LRRIQ1: variants seen among roughly 807,000 people sequenced by gnomAD.
LRRIQ1 encodes leucine rich repeats and IQ motif containing 1.
Under a neutral mutation model 211.9 loss-of-function variants are expected in LRRIQ1, and 210 were observed. The ratio of observed to expected loss-of-function variants is 0.99; its 90% confidence interval spans 0.89 to 1.11. The LOEUF is 1.11. Ranked by LOEUF, LRRIQ1 falls within the 50% of genes most tolerant of loss-of-function variation. The probability of loss-of-function intolerance (pLI) is 0.00; values close to 1 mark genes in which losing one functional copy is unlikely to be tolerated. For missense variants in LRRIQ1, 2,136 were observed against 1,939.5 expected (o/e 1.10, Z -1.90); for synonymous variants, 699 against 650.1 (o/e 1.08, Z -1.14).
At position 85,087,309 on chromosome 12, in the gene LRRIQ1, T is replaced by C. The variant is rs555153281; in HGVS notation, c.2888-11046T>C. 3.3e-5 allele frequency among the ~76,000 whole-genome samples: 5 copies of C among 152,366 alleles called. No homozygotes were observed. In the South Asian group the frequency reaches 1.0e-3, roughly 32 times the overall value. ...TATTACTGCATAGTATTCCATGGTG[T>C]ATATGTGCCACATTTTCTTAATCCA... On this transcript the variant is annotated intron_variant, in intron 11 of 26. Transcript: ENST00000393217.
At chr12:85,149,328 T>A (rs1444855770) in intron 19 of LRRIQ1, among the ~76,000 whole-genome samples, 2 of 151,976 alleles carry the variant, frequency 1.3e-5, no homozygotes, top group East Asian at 3.9e-4. Context: ...AGTTTTTGTA[T>A]AAGGTGTAAG....
At chr12:85,164,087 C>T (rs115453804) in intron 24 of LRRIQ1, among the ~76,000 whole-genome samples, 1 of 152,130 alleles carries the variant, frequency 6.6e-6, no homozygotes, top group Admixed American at 6.6e-5. Flanking sequence ...TCTTTGTTTA[C>T]CTTTGTTACC....
chr12:85,221,499 G>A (rs941270360), intron 24 of LRRIQ1, among the ~76,000 whole-genome samples: 2 of 152,096 alleles, frequency 1.3e-5, no homozygotes, highest in Admixed American at 6.6e-5. Context: ...CTATCATGGG[G>A]TATCTATACA....
intron 26 of LRRIQ1, among the ~76,000 whole-genome samples, chr12:85,241,541 TTAAAA>T (rs1390142954): frequency 6.6e-5 from 10 of 151,990 alleles, no homozygotes; most frequent in South Asian, 2.1e-4. Context: ...ATTCTAACAG[TTAAAA>T]TAAATGAACT....
intron 24 of LRRIQ1, among the ~76,000 whole-genome samples, chr12:85,174,189 T>C (rs925217772): frequency 6.6e-6 from 1 of 151,884 alleles, no homozygotes; most frequent in African/African-American, 2.4e-5. Flanking sequence ...AAAAAGGGTA[T>C]GCCCATGAAA....
chr12:85,184,238 A>G (rs1207838124), intron 24 of LRRIQ1, among the ~76,000 whole-genome samples: 2 of 152,034 alleles, frequency 1.3e-5, no homozygotes, highest in Non-Finnish European at 1.5e-5. Context: ...GTATTTATCC[A>G]TCATATTTAA....
intron 8 of LRRIQ1, among the ~76,000 whole-genome samples, chr12:85,064,139 T>C (rs983720489): frequency 1.3e-5 from 2 of 151,812 alleles, no homozygotes; most frequent in African/African-American, 2.4e-5. Context: ...TAATTCACAT[T>C]CCCACCAACA....
chr12:85,183,364 A>G (rs1330879002), intron 24 of LRRIQ1, among the ~76,000 whole-genome samples: 1 of 152,028 alleles, frequency 6.6e-6, no homozygotes, highest in African/African-American at 2.4e-5. Flanking sequence ...AAAATCCCTG[A>G]CACTACATGC....
intron 11 of LRRIQ1, among the ~76,000 whole-genome samples, chr12:85,080,716 A>G (rs1017546059): frequency 1.3e-5 from 2 of 150,566 alleles, no homozygotes; most frequent in Non-Finnish European, 3.0e-5. Context: ...TATAGTATCT[A>G]GTATTCAGGT....
intron 11 of LRRIQ1, among the ~76,000 whole-genome samples, chr12:85,097,078 C>A (rs947765113): frequency 3.3e-5 from 5 of 152,152 alleles, no homozygotes; most frequent in Admixed American, 1.3e-4. Context: ...CTCTTGAAGA[C>A]AGCAGACAGA....
At chr12:85,268,303 A>C (rs992009885), downstream of LRRIQ1, among the ~76,000 whole-genome samples, 5 of 152,038 alleles carry the variant, frequency 3.3e-5, no homozygotes, top group African/African-American at 1.2e-4. Context: ...AAAGGTATAA[A>C]TTTCTAATAG....
At chr12:85,048,748 A>G (rs1879951995) in intron 6 of LRRIQ1, among the ~76,000 whole-genome samples, 1 of 152,162 alleles carries the variant, frequency 6.6e-6, no homozygotes, top group Non-Finnish European at 1.5e-5. Flanking sequence ...AAAAAAAGAA[A>G]TCCAAAATAG....
chr12:85,039,310 G>GA (rs1238719458), intron 2 of LRRIQ1, among the ~76,000 whole-genome samples: 1 of 151,238 alleles, frequency 6.6e-6, no homozygotes, highest in Non-Finnish European at 1.5e-5. Flanking sequence ...ATTACCAGGG[G>GA]AAAAAATTAT....
intron 25 of LRRIQ1, among the ~76,000 whole-genome samples, chr12:85,230,095 TAGAG>T (rs1368841144): frequency 2.0e-5 from 3 of 152,324 alleles, no homozygotes; most frequent in African/African-American, 2.4e-5. Flanking sequence ...TCCTCTTTAA[TAGAG>T]AGAGAATAAT....
chr12:85,110,898 A>T (rs1887124543), intron 15 of LRRIQ1, among the ~76,000 whole-genome samples: 1 of 151,712 alleles, frequency 6.6e-6, no homozygotes, highest in Admixed American at 6.6e-5. Flanking sequence ...TAGACGAAGT[A>T]CTCTCTCTAT....
intron 13 of LRRIQ1, among the ~76,000 whole-genome samples, chr12:85,102,959 A>AAAAAAATATAT (rs1458673370): frequency 1.8e-5 from 2 of 108,500 alleles, no homozygotes; most frequent in African/African-American, 8.3e-5. Context: ...AAAAAAAAAA[A>AAAAAAATATAT]ATATATATAT....
rs934023774 is a variant in LRRIQ1, at chr12:85,056,588, T to C, written c.1795T>C (p.Tyr599His). ...EEIQEQNGLL[Y>H]KDKDTLVISV... ...GATACAAGAACAGAATGGATTATTA[T>C]ATAAAGATAAGGATACTTTAGTTAT... The change falls in exon 8 of 27, where the codon TAT (tyrosine) becomes CAT (histidine). Residue 599 changes from tyrosine to histidine, a missense_variant. By Grantham distance (83) the Tyr-to-His change is moderately conservative. Coordinates refer to ENST00000393217, the MANE Select transcript of LRRIQ1 (RefSeq NM_001079910.2). The C allele has an allele frequency of 1.2e-5, 19 of 1,596,424 alleles. No homozygotes were observed. The African/African-American group carries it at 2.4e-4, about 21-fold the overall frequency.
chr12:85,148,624 T>C (rs1890042470), intron 19 of LRRIQ1, among the ~76,000 whole-genome samples: 1 of 151,998 alleles, frequency 6.6e-6, no homozygotes, highest in Admixed American at 6.6e-5. Flanking sequence ...TGTGCATGTG[T>C]CTTTTAGTAG....
chr12:85,250,894 T>TTTATAGA (rs1273941107), intron 1 of LRRIQ1, among the ~76,000 whole-genome samples: 1 of 78,782 alleles, frequency 1.3e-5, no homozygotes, highest in African/African-American at 1.2e-4. Context: ...TATAATATAT[T>TTTATAGA]TTATATATTA....
Sources: gnomAD v4.1 joint callset for allele counts (sites outside exome capture counted in the v4.1 genomes callset) on GRCh38, gnomAD v4.1.1 for gene constraint, MANE v1.5 for transcripts, NCBI Gene and HGNC (gene_info 2026-07-23, HGNC 2026-07-21) for gene names.